Variants in PTPRB observed in about 807,000 individuals in gnomAD.
The protein encoded by PTPRB is receptor-type tyrosine-protein phosphatase beta.
A neutral mutation model predicts 238.1 loss-of-function variants in PTPRB; 97 were observed. That is an observed-to-expected ratio of 0.41 (90% CI 0.35 to 0.48). The LOEUF (loss-of-function observed/expected upper bound fraction) is 0.48. Among genes scored for constraint, PTPRB ranks in the 20% least tolerant of loss-of-function variants. The probability of loss-of-function intolerance (pLI) is 0.30; values close to 1 mark genes in which losing one functional copy is unlikely to be tolerated. For missense variants in PTPRB, 2,292 were observed against 2,681.9 expected (o/e 0.85, Z 3.21); for synonymous variants, 970 against 995.4 (o/e 0.97, Z 0.48).
intron 15 of PTPRB, among the ~76,000 whole-genome samples, chr12:70,565,268 A>C (rs1291433992): frequency 6.6e-6 from 1 of 152,226 alleles, no homozygotes; most frequent in East Asian, 1.9e-4. Flanking sequence ...GCTTTAAGAT[A>C]AAATTCCTGA....
At chr12:70,529,040 T>C (rs1402912781) in intron 32 of PTPRB, among the ~76,000 whole-genome samples, 2 of 151,886 alleles carry the variant, frequency 1.3e-5, no homozygotes, top group Non-Finnish European at 2.9e-5. Context: ...AACATGAGCA[T>C]GTACAGGAAT....
At chr12:70,538,644 T>G in intron 27 of PTPRB, 1 of 501,802 alleles carries the variant, frequency 2.0e-6, no homozygotes, top group Non-Finnish European at 3.6e-6. Flanking sequence ...GCCCTTGCTG[T>G]TAACCCCATT....
chr12:70,603,280 C>A (rs1592575344), intron 4 of PTPRB, among the ~76,000 whole-genome samples: 1 of 152,150 alleles, frequency 6.6e-6, no homozygotes, highest in East Asian at 1.9e-4. Flanking sequence ...ATACTGAAGT[C>A]ATCACCAAAA....
chr12:70,593,514 A>C (rs796692741), intron 6 of PTPRB, among the ~76,000 whole-genome samples: 48 of 80,312 alleles, frequency 6.0e-4, no homozygotes, highest in African/African-American at 2.2e-3. Context: ...ACTCTGTCTC[A>C]AAAAAAAAAA....
chr12:70,578,862 G>C (rs1358727100), intron 10 of PTPRB, among the ~76,000 whole-genome samples: 3 of 152,088 alleles, frequency 2.0e-5, no homozygotes, highest in Non-Finnish European at 2.9e-5. Flanking sequence ...AGGCTCCCAG[G>C]CAGTCAGATG....
At chr12:70,600,223 G>A (rs1022942039) in intron 4 of PTPRB, among the ~76,000 whole-genome samples, 14 of 152,144 alleles carry the variant, frequency 9.2e-5, no homozygotes, top group African/African-American at 1.7e-4. Context: ...TTAAAGGCAC[G>A]ACAGCACCAC....
At chr12:70,541,865 C>T (rs1440730085) in intron 22 of PTPRB, 2 of 151,520 alleles carry the variant, frequency 1.3e-5, no homozygotes, top group Non-Finnish European at 2.9e-5. Flanking sequence ...CATTGATGGA[C>T]ATTTAAATTG....
At chr12:70,552,299 C>T (rs901134084) in intron 21 of PTPRB, among the ~76,000 whole-genome samples, 1 of 152,058 alleles carries the variant, frequency 6.6e-6, no homozygotes, top group African/African-American at 2.4e-5. Flanking sequence ...GCCTGGCCAA[C>T]ATGGTGAAAC....
intron 10 of PTPRB, among the ~76,000 whole-genome samples, chr12:70,579,695 CAAA>C (rs35887706): frequency 3.3e-5 from 3 of 90,976 alleles, no homozygotes; most frequent in Admixed American, 1.3e-4. Context: ...GACTCCATCT[CAAA>C]AAAAAAAAAA....
chr12:70,606,586 T>C (rs1883962696), intron 4 of PTPRB, among the ~76,000 whole-genome samples: 1 of 152,228 alleles, frequency 6.6e-6, no homozygotes, highest in South Asian at 2.1e-4. Context: ...AAAGCACAGA[T>C]ATTTTCAATT....
chr12:70,608,984 T>G, intron 4 of PTPRB, 85 bp downstream of exon 4: 1 of 1,476,400 alleles, frequency 6.8e-7, no homozygotes, highest in Non-Finnish European at 9.2e-7. Flanking sequence ...TTTGTATCCC[T>G]GGAACTCAAA....
chr12:70,539,695 A>AT lies in PTPRB; in HGVS notation c.5707dup (p.Ile1903AsnfsTer5). ...CATGAAATGCCCTTCAAACTGATTT[A>AT]TTTTTATTGGACTGTAATTAAAAAT... On this transcript the variant is annotated frameshift_variant, in exon 26 of 34. Coordinates refer to ENST00000334414, the MANE Select transcript of PTPRB (RefSeq NM_001109754.4). LOFTEE classifies it high-confidence loss of function. 6.2e-7 allele frequency: 1 copy of AT among 1,600,844 alleles called. No homozygotes were observed. Among genetic ancestry groups the AT allele is most frequent in the Non-Finnish European group, 8.5e-7 (1 of 1,171,312 alleles).
At chr12:70,557,041 C>T (rs1264887427) in intron 18 of PTPRB, among the ~76,000 whole-genome samples, 1 of 152,182 alleles carries the variant, frequency 6.6e-6, no homozygotes, top group African/African-American at 2.4e-5. Context: ...AGAGAAGGTG[C>T]TATGTGGTGT....
At position 70,572,508 on chromosome 12, in the gene PTPRB, C is replaced by T. The variant is rs35954583; in HGVS notation, c.2843-421G>A. On this transcript the variant is annotated intron_variant, in intron 11 of 33. Transcript: ENST00000334414. ...TGAGGCTATGCATGGTGGCTCACAC[C>T]TGTAATCCTAACACTTTGGGAGGCT... 9.3e-3 allele frequency among the ~76,000 whole-genome samples: 1,412 copies of T among 152,022 alleles called. 8 individuals are homozygous for T. The highest frequency in any genetic ancestry group is 0.014 in the Non-Finnish European group (919 of 67,970).
intron 3 of PTPRB, among the ~76,000 whole-genome samples, chr12:70,620,682 G>GA (rs767431921): frequency 4.6e-5 from 7 of 152,138 alleles, no homozygotes; most frequent in African/African-American, 9.7e-5. Flanking sequence ...ATTCAGCCAT[G>GA]AAAAAGAATG....
rs1256450440 is a variant in PTPRB, at chr12:70,609,250, C to G, written c.798G>C (p.Leu266Phe). The change falls in exon 4 of 34, where the codon TTG (leucine) becomes TTC (phenylalanine). Residue 266 changes from leucine to phenylalanine, a missense_variant. Physicochemically the swap from Leu to Phe is conservative, Grantham distance 22. This residue lies in a region of PTPRB where 1,205 missense variants were observed against 1,287.8 expected (regional missense o/e 0.94). Coordinates refer to ENST00000334414, the MANE Select transcript of PTPRB (RefSeq NM_001109754.4). The stretch of plus-strand genomic sequence containing the variant: ...TGAGGCTAAAGTTACAGGGTGAGCC[C>G]AAAATTCTCCACTGGATAGACACAG... ...SHSVSIQWRI[L>F]GSPCNFSLIY... 6.2e-7 allele frequency: 1 copy of G among 1,614,000 alleles called. No individual in the cohort carries two copies. Among genetic ancestry groups the G allele is most frequent in the African/African-American group, 1.3e-5 (1 of 75,040 alleles).
intron 11 of PTPRB, among the ~76,000 whole-genome samples, chr12:70,574,445 T>G (rs1880464715): frequency 6.6e-6 from 1 of 152,224 alleles, no homozygotes; most frequent in African/African-American, 2.4e-5. Flanking sequence ...GAGGAAATTA[T>G]GAAGTGGCAT....
chr12:70,631,358 G>A (rs1885443357), intron 2 of PTPRB, among the ~76,000 whole-genome samples: 1 of 152,152 alleles, frequency 6.6e-6, no homozygotes, highest in Non-Finnish European at 1.5e-5. Context: ...AATGGAGCTG[G>A]GAAAACTGGC....
rs528579686 is a variant in PTPRB at position 70,608,931 on chromosome 12, T to C, written c.979+138A>G. ...TGGCTAGATCCGAGGAAACCAGACA[T>C]TTCTGTCAATATTTATCTTCACAGG... On this transcript the variant is annotated intron_variant, in intron 4 of 33. Coordinates refer to ENST00000334414, the MANE Select transcript of PTPRB (RefSeq NM_001109754.4). 4.0e-6 allele frequency: 5 copies of C among 1,242,984 alleles called. No homozygotes were observed. In the Admixed American group the frequency reaches 9.6e-5, roughly 24 times the overall value. The allele number at this position is 1,242,984 out of a possible 1,614,324, so 77.0% of individuals were successfully genotyped here.
Sources: allele counts gnomAD v4.1 joint callset (sites outside exome capture counted in the v4.1 genomes callset), GRCh38; gene constraint gnomAD v4.1.1; regional missense constraint gnomAD v4.1.1; transcripts MANE v1.5; gene names NCBI Gene and HGNC (gene_info 2026-07-23, HGNC 2026-07-21).